EEA1: variants seen among roughly 807,000 people sequenced by gnomAD.
EEA1 encodes early endosome antigen 1, also known as early endosome antigen 1, 162kD.
Under a neutral mutation model 209.2 loss-of-function variants are expected in EEA1, and 111 were observed. The ratio of observed to expected loss-of-function variants is 0.53; its 90% CI spans 0.45 to 0.62. The LOEUF (loss-of-function observed/expected upper bound fraction) is 0.62, where lower values mean the gene tolerates loss of function less well. Among genes scored for constraint, EEA1 ranks in the 20% least tolerant of loss-of-function variants. The pLI, the probability that EEA1 is intolerant of heterozygous loss-of-function variation, is 0.00. For missense variants in EEA1, 1,343 were observed against 1,530.8 expected, an observed-to-expected ratio of 0.88 and a Z score of 2.05; for synonymous variants, 536 against 540.6, an observed-to-expected ratio of 0.99 and a Z score of 0.12.
At position 92,852,246 on chromosome 12, in the gene EEA1, G is replaced by C. The variant is rs1164806771; in HGVS notation, c.571C>G (p.Gln191Glu). 6.2e-6 allele frequency: 10 copies of C among 1,601,012 alleles called. No individual in the cohort carries two copies. The highest frequency in any genetic ancestry group is 8.5e-6 in the Non-Finnish European group (10 of 1,173,992). The change falls in exon 8 of 29, where the codon CAA (glutamine) becomes GAA (glutamate). Residue 191 changes from glutamine to glutamate, a missense_variant. Transcript: ENST00000322349. ...EERSLREAAE[Q>E]KVTRLTEELN... The stretch of plus-strand genomic sequence containing the variant: ...TCTTCTGTCAGACGTGTCACTTTTT[G>C]TTCAGCAGCTTCTCGAAGACTCCTT...
intron 21 of EEA1, among the ~76,000 whole-genome samples, chr12:92,791,220 G>A (rs560161142): frequency 9.2e-5 from 14 of 152,088 alleles, no homozygotes; most frequent in Admixed American, 3.9e-4. Flanking sequence ...ATTAATTAAC[G>A]GGCAAAATAA....
intron 15 of EEA1, among the ~76,000 whole-genome samples, chr12:92,814,561 T>A (rs4760403): frequency 0.27 from 38,505 of 144,612 alleles, 5,436 homozygotes; most frequent in Non-Finnish European, 0.33. Flanking sequence ...ATTAAGTAAT[T>A]GCTCCACTAG....
chr12:92,820,774 T>TATAC (rs1491468314), intron 13 of EEA1, among the ~76,000 whole-genome samples: 29 of 61,966 alleles, frequency 4.7e-4, no homozygotes, highest in African/African-American at 1.3e-3. Flanking sequence ...TATATATATA[T>TATAC]ACACACACAC....
At chr12:92,880,904 G>C (rs944130841) in intron 2 of EEA1, among the ~76,000 whole-genome samples, 1 of 152,202 alleles carries the variant, frequency 6.6e-6, no homozygotes, top group African/African-American at 2.4e-5. Flanking sequence ...GACTCTGAAA[G>C]ATACAGAGGG....
At chr12:92,821,209 C>T (rs748625001) in intron 13 of EEA1, 1 of 152,062 alleles carries the variant, frequency 6.6e-6, no homozygotes, top group African/African-American at 2.4e-5. Context: ...CACATTTCAC[C>T]CCCTCATATA....
Position 92,906,905 on chromosome 12 carries a change from A to C in EEA1, c.25-15184T>G, listed in dbSNP as rs1043510357. On this transcript the variant is annotated intron_variant, in intron 1 of 28. Transcript: ENST00000322349. ...ATCCCACCATAAAAACAAATTAGAA[A>C]GATTTTCACAAAAAGTTTGAAAAGC... Among the ~76,000 whole-genome samples, 8 of 152,314 alleles carry C rather than the reference A, an allele frequency of 5.3e-5. No homozygotes were observed. The South Asian group carries it at 1.5e-3, about 28-fold the overall frequency.
chr12:92,890,747 G>T (rs1229683370), intron 2 of EEA1, among the ~76,000 whole-genome samples: 1 of 151,988 alleles, frequency 6.6e-6, no homozygotes, highest in African/African-American at 2.4e-5. Flanking sequence ...CTCCCCTCTC[G>T]CAAATCTGTA....
chr12:92,816,782 C>A lies in EEA1; in HGVS notation c.1729-382G>T, dbSNP rs1565820255. 3.3e-3 allele frequency among the ~76,000 whole-genome samples: 485 copies of A among 147,030 alleles called. 1 individual carries two copies. The highest frequency in any genetic ancestry group is 0.013 in the African/African-American group (466 of 36,528). ...CCTTCTGCAGTCATTCCTCCCATCC[C>A]ATCTCTAACTCCAGCCAATCACTGA... On this transcript the variant is annotated intron_variant, in intron 14 of 28. Coordinates refer to ENST00000322349, the MANE Select transcript of EEA1 (RefSeq NM_003566.4).
chr12:92,811,622 T>C (rs1875516362), intron 16 of EEA1, among the ~76,000 whole-genome samples, 188 bp from the exon 17 acceptor site: 1 of 152,158 alleles, frequency 6.6e-6, no homozygotes, highest in African/African-American at 2.4e-5. Context: ...ACTAAATTCT[T>C]GCATAGTCTG....
At chr12:92,779,819 AT>A (rs1373752108) in intron 24 of EEA1, among the ~76,000 whole-genome samples, 1 of 152,138 alleles carries the variant, frequency 6.6e-6, no homozygotes, top group Non-Finnish European at 1.5e-5. Context: ...TACAAAGCAA[AT>A]AATAGACAAT....
chr12:92,877,966 T>C (rs541279240), intron 2 of EEA1, among the ~76,000 whole-genome samples: 1 of 152,356 alleles, frequency 6.6e-6, no homozygotes, highest in African/African-American at 2.4e-5. Context: ...GAAGCAGGCA[T>C]TTCCTAAAGC....
chr12:92,869,790 G>GAAAAAAAAAAAAAAA (rs1230847458), intron 2 of EEA1, among the ~76,000 whole-genome samples: 7 of 69,052 alleles, frequency 1.0e-4, no homozygotes, highest in Non-Finnish European at 1.9e-4. Context: ...AAAAAAAAAG[G>GAAAAAAAAAAAAAAA]AAAGCCCTTA....
At chr12:92,777,084 G>T in intron 27 of EEA1, 142 bp from the exon 28 acceptor site, 1 of 682,490 alleles carries the variant, frequency 1.5e-6, no homozygotes. Flanking sequence ...GAAATACACT[G>T]GTCAGCTTCT....
At chr12:92,820,006 T>C (rs1361408257) in intron 13 of EEA1, among the ~76,000 whole-genome samples, 1 of 152,172 alleles carries the variant, frequency 6.6e-6, no homozygotes, top group African/African-American at 2.4e-5. Flanking sequence ...ATATTCCCTA[T>C]CTTGGTTATC....
At position 92,796,307 on chromosome 12, in the gene EEA1, AAT is replaced by A. The variant is rs567671161; in HGVS notation, c.2967+2583_2967+2584del. 1.7e-4 allele frequency among the ~76,000 whole-genome samples: 26 copies of A among 152,246 alleles called. 1 individual carries two copies. In the East Asian group the frequency reaches 4.8e-3, roughly 28 times the overall value. ...CTTGATTCTAGATCAGTAACTCCCG[AAT>A]AGTCTTATGCTATATATAATGTTTT... is the stretch of plus-strand genomic sequence containing the variant. On this transcript the variant is annotated intron_variant, in intron 21 of 28. Transcript: ENST00000322349.
chr12:92,780,229 T>C, intron 24 of EEA1, 51 bp downstream of exon 24: 1 of 1,548,062 alleles, frequency 6.5e-7, no homozygotes, highest in African/African-American at 1.4e-5. Context: ...ATATATTTCT[T>C]TAAAGAGCAA....
chr12:92,818,776 T>C (rs1875913674), intron 14 of EEA1, among the ~76,000 whole-genome samples: 1 of 152,212 alleles, frequency 6.6e-6, no homozygotes, highest in African/African-American at 2.4e-5. Flanking sequence ...CTAAATTTTA[T>C]AAACTTTTCC....
At position 92,860,307 on chromosome 12, in the gene EEA1, C is replaced by A. The variant is rs185456290; in HGVS notation, c.246-2822G>T. ...GAAAGCCTGAGTACTCCACACTGCA[C>A]AATAATGCCTCCCAGGGTTTTAGTT... On this transcript the variant is annotated intron_variant, in intron 3 of 28. Transcript: ENST00000322349. Among the ~76,000 whole-genome samples, 93 of 152,232 alleles carry A rather than the reference C, an allele frequency of 6.1e-4. 1 individual carries two copies. The highest frequency in any genetic ancestry group is 8.8e-5 in the Non-Finnish European group (6 of 68,008).
intron 9 of EEA1, among the ~76,000 whole-genome samples, chr12:92,847,524 G>T (rs1877434939): frequency 6.6e-6 from 1 of 152,074 alleles, no homozygotes; most frequent in Admixed American, 6.6e-5. Flanking sequence ...TTTTCATATG[G>T]AAATGGTATG....
Sources: gnomAD v4.1 joint callset for allele counts (sites outside exome capture counted in the v4.1 genomes callset) on GRCh38, gnomAD v4.1.1 for gene constraint, MANE v1.5 for transcripts, NCBI Gene and HGNC (gene_info 2026-07-23, HGNC 2026-07-21) for gene names.